SZT2: variants seen among roughly 807,000 people sequenced by gnomAD.
The protein encoded by SZT2 is KICSTOR complex protein SZT2.
A neutral mutation model predicts 404.2 loss-of-function variants in SZT2; 216 were observed. The ratio of observed to expected loss-of-function variants is 0.53; its 90% CI spans 0.48 to 0.60. SZT2 has a LOEUF of 0.60. SZT2 is among the 20% of genes least tolerant of loss of function. SZT2 has a pLI of 0.00. For missense variants in SZT2, 3,857 were observed against 4,459.2 expected, an observed-to-expected ratio of 0.86 and a Z score of 3.85; for synonymous variants, 1,693 against 1,749.9, an observed-to-expected ratio of 0.97 and a Z score of 0.81.
At position 43,430,989 on chromosome 1, in the gene SZT2, C is replaced by T. The variant is rs758882500; in HGVS notation, c.4815C>T (p.Gly1605=). The T allele has an allele frequency of 3.1e-6, 5 of 1,614,170 alleles. No individual in the cohort carries two copies. The East Asian group carries it at 6.7e-5, about 22-fold the overall frequency. ...LSSLEGPPVG[G]RVPLRDLSVT... is the part of the protein sequence containing the mutation. The stretch of plus-strand genomic sequence containing the variant: ...GTCTGGAGGGCCCCCCAGTTGGAGG[C>T]CGAGTTCCCTTGAGGGACCTCAGTG... Residue 1605 remains glycine (G), a synonymous_variant, in exon 33 of 72, where the codon GGC becomes GGT. Transcript: ENST00000634258.
chr1:43,422,082 G>C lies in SZT2; in HGVS notation c.1627-1G>C, dbSNP rs972104912. 6.3e-7 allele frequency: 1 copy of C among 1,593,948 alleles called. No individual in the cohort carries two copies. Among genetic ancestry groups the C allele is most frequent in the Admixed American group, 1.7e-5 (1 of 59,868 alleles). ...TATAGTGCTGTCCTTCCTGTCCTCA[G>C]GTGCTCTCCCTCCAGCCCAGTGGTT... On this transcript the variant is annotated splice_acceptor_variant, in intron 11 of 71. Coordinates refer to ENST00000634258, the MANE Select transcript of SZT2 (RefSeq NM_001365999.1). LOFTEE classifies it high-confidence loss of function.
In SZT2 at chr1:43,453,460, G is replaced by A. The variant is rs777772412; in HGVS notation, c.*2980G>A. On this transcript the variant is annotated 3_prime_UTR_variant, in exon 72 of 72. Transcript: ENST00000634258. ...CTCGGAAGGCCGCCTGTCTCCCGGG[G>A]ACGGCCCCCAGCCCCATTTCCCCCT... 3 of 1,563,220 alleles carry A rather than the reference G, an allele frequency of 1.9e-6. No individual in the cohort carries two copies. The highest frequency in any genetic ancestry group is 2.4e-5 in the South Asian group (2 of 84,850).
intron 4 of SZT2, among the ~76,000 whole-genome samples, chr1:43,413,104 C>T (rs958849713): frequency 6.6e-6 from 1 of 152,096 alleles, no homozygotes; most frequent in East Asian, 1.9e-4. Context: ...TTGGAGGTTC[C>T]TCAAAAAACA....
rs1390545558 is a variant in SZT2, at chr1:43,419,805, A to G, written c.951A>G (p.Ala317=). 1 of 1,598,452 alleles carries G rather than the reference A, an allele frequency of 6.3e-7. No homozygotes were observed. The highest frequency in any genetic ancestry group is 8.5e-7 in the Non-Finnish European group (1 of 1,179,808). The change falls in exon 8 of 72, where the codon GCA becomes GCG. Residue 317 remains alanine, a synonymous_variant. Transcript: ENST00000634258. ...VPNVELMKFI[A]MATFGSYLST... is the part of the protein sequence containing the mutation. ...ATGTGGAATTAATGAAGTTCATCGC[A>G]ATGGCAACATTTGGGTCCTACCTGT...
chr1:43,442,423 C>T lies in SZT2; in HGVS notation c.7975-19C>T. The stretch of plus-strand genomic sequence containing the variant: ...AGAGGGGTTCCGTGATCTCACTGAC[C>T]CTGACCCCCGACCTCCAGCTACAGC... On this transcript the variant is annotated intron_variant, in intron 57 of 71. Coordinates refer to ENST00000634258, the MANE Select transcript of SZT2 (RefSeq NM_001365999.1). This position sits in a 1 kb window ranked among gnomAD's most constrained non-coding sequence, Gnocchi z 4.5. The T allele has an allele frequency of 6.2e-7, 1 of 1,612,176 alleles. No individual in the cohort carries two copies. The highest frequency in any genetic ancestry group is 8.5e-7 in the Non-Finnish European group (1 of 1,178,778).
Position 43,448,610 on chromosome 1 carries a change from A to G in SZT2, c.9970-2A>G. 6.2e-7 allele frequency: 1 copy of G among 1,614,186 alleles called. No individual in the cohort carries two copies. The highest frequency in any genetic ancestry group is 8.5e-7 in the Non-Finnish European group (1 of 1,180,018). The stretch of plus-strand genomic sequence containing the variant: ...GACTCAGGCCTGTGGCTCCTCCCTC[A>G]GGACTGCTTCCTATCCATGACGGTC... On this transcript the variant is annotated splice_acceptor_variant, in intron 69 of 71. Transcript: ENST00000634258. LOFTEE classifies it high-confidence loss of function. This position sits in a 1 kb window ranked among gnomAD's most constrained non-coding sequence, Gnocchi z 4.2.
rs760844823 is a variant in SZT2, at chr1:43,435,174, C to T, written c.5905-26C>T. 21 of 1,612,416 alleles carry T rather than the reference C, an allele frequency of 1.3e-5. No individual in the cohort carries two copies. In the Admixed American group the frequency reaches 3.3e-4, roughly 26 times the overall value. Reference sequence around the variant, plus strand: ...CCACTTAGGAGGAGGTATTTCAGTTCCCTGACCTCATGCTCCTTCTCCCAG... The same window carrying T: ...CCACTTAGGAGGAGGTATTTCAGTTTCCTGACCTCATGCTCCTTCTCCCAG... On this transcript the variant is annotated intron_variant, in intron 41 of 71. Transcript: ENST00000634258.
chr1:43,398,569 A>T (rs1014484511), intron 1 of SZT2, among the ~76,000 whole-genome samples: 13 of 152,206 alleles, frequency 8.5e-5, no homozygotes, highest in African/African-American at 2.9e-4. Flanking sequence ...AGCTAAGTCA[A>T]ACCTGAAGGA....
chr1:43,422,396 C>G (rs1652475988), intron 12 of SZT2, 84 bp from the exon 13 acceptor site: 3 of 1,505,904 alleles, frequency 2.0e-6, no homozygotes, highest in Non-Finnish European at 2.7e-6. Context: ...CAGGCAAGGC[C>G]TAGAAGAGAG....
In SZT2 at chr1:43,453,562, C is replaced by G. The variant is rs1034392506; in HGVS notation, c.*3082C>G. The G allele has an allele frequency of 2.6e-6, 4 of 1,514,056 alleles. No homozygotes were observed. Among genetic ancestry groups the G allele is most frequent in the Middle Eastern group, 1.8e-4 (1 of 5,508 alleles). The allele number at this position is 1,514,056 out of a possible 1,614,324, so 93.8% of individuals were successfully genotyped here. On this transcript the variant is annotated 3_prime_UTR_variant, in exon 72 of 72. Transcript: ENST00000634258. The stretch of plus-strand genomic sequence containing the variant: ...CCCCTGCCCGCGCCCCGGCACCCCC[C>G]AGCCCTCCCAGCCCTCCCGGCCCGC...
intron 1 of SZT2, among the ~76,000 whole-genome samples, chr1:43,401,992 A>G (rs1649746084): frequency 6.6e-6 from 1 of 152,204 alleles, no homozygotes; most frequent in African/African-American, 2.4e-5. Flanking sequence ...CTCTGACATC[A>G]GAAACTCTTC....
chr1:43,421,225 G>A lies in SZT2; in HGVS notation c.1548G>A (p.Val516=), dbSNP rs779860823. 1 of 1,598,530 alleles carries A rather than the reference G, an allele frequency of 6.3e-7. No individual in the cohort carries two copies. Among genetic ancestry groups the A allele is most frequent in the South Asian group, 1.1e-5 (1 of 91,084 alleles). Residue 516 remains valine (V), a synonymous_variant, in exon 11 of 72, where the codon GTG becomes GTA. Coordinates refer to ENST00000634258, the MANE Select transcript of SZT2 (RefSeq NM_001365999.1). ...CCCACCTTCAGTCCTTCTCCTCAGT[G>A]CCTGAGCATTTCACGCTTCCTGACA... ...MLAHLQSFSS[V]PEHFTLPDST...
Position 43,442,461 on chromosome 1 carries a change from A to G in SZT2, c.7994A>G (p.Asn2665Ser), listed in dbSNP as rs1248692397. The G allele has an allele frequency of 6.2e-7, 1 of 1,613,422 alleles. No homozygotes were observed. Among genetic ancestry groups the G allele is most frequent in the African/African-American group, 1.3e-5 (1 of 74,894 alleles). The change falls in exon 58 of 72, where the codon AAC becomes AGC. Residue 2665 changes from asparagine to serine, a missense_variant. Asn to Ser is a conservative substitution (Grantham distance 46). Coordinates refer to ENST00000634258, the MANE Select transcript of SZT2 (RefSeq NM_001365999.1). The surrounding 1 kb of genome is among the most constrained non-coding windows in gnomAD (Gnocchi z 4.5). The stretch of plus-strand genomic sequence containing the variant: ...CTCCAGCTACAGCTGCTGACCTACA[A>G]CTGGGCTCCAGACCTGGGGGCAGCA... ...VDKKLQLLTYNWAPDLGAALG... is the reference protein window; with the variant it reads ...VDKKLQLLTYSWAPDLGAALG...
chr1:43,425,747 G>C lies in SZT2; in HGVS notation c.2815-88G>C. On this transcript the variant is annotated intron_variant, in intron 19 of 71. Coordinates refer to ENST00000634258, the MANE Select transcript of SZT2 (RefSeq NM_001365999.1). This position sits in a 1 kb window ranked among gnomAD's most constrained non-coding sequence, Gnocchi z 4.3. ...GCTTCCTGGTCCCTCTGAATGGCTG[G>C]GACTGTTGAAGCTTCCTGAAGAGCT... The C allele has an allele frequency of 6.3e-7, 1 of 1,594,826 alleles. No individual in the cohort carries two copies. The highest frequency in any genetic ancestry group is 8.6e-7 in the Non-Finnish European group (1 of 1,166,800).
chr1:43,413,100 G>T (rs1375693586), intron 4 of SZT2, among the ~76,000 whole-genome samples: 5 of 152,142 alleles, frequency 3.3e-5, no homozygotes, highest in African/African-American at 1.2e-4. Flanking sequence ...CAGTTTGGAG[G>T]TTCCTCAAAA....
chr1:43,421,403 G>C (rs544740227), intron 11 of SZT2, 100 bp downstream of exon 11: 1 of 1,494,386 alleles, frequency 6.7e-7, no homozygotes, highest in Non-Finnish European at 9.0e-7. Context: ...TCTGTCTCAC[G>C]TCTAAGGCAC....
At chr1:43,400,172 T>G (rs1649513829) in intron 1 of SZT2, among the ~76,000 whole-genome samples, 1 of 150,614 alleles carries the variant, frequency 6.6e-6, no homozygotes, top group Non-Finnish European at 1.5e-5. Context: ...ACTCCTAGGC[T>G]TAAGTTATTT....
intron 4 of SZT2, among the ~76,000 whole-genome samples, chr1:43,407,345 TACA>T (rs576530768): frequency 3.3e-5 from 5 of 151,832 alleles, no homozygotes; most frequent in East Asian, 3.9e-4. Flanking sequence ...CTACTAAAAA[TACA>T]ACAACAACAA....
In SZT2 at chr1:43,443,845, G is replaced by C. The variant is rs1655369070; in HGVS notation, c.8825+49G>C. 1.9e-6 allele frequency: 3 copies of C among 1,607,110 alleles called. No homozygotes were observed. The East Asian group carries it at 6.7e-5, about 36-fold the overall frequency. ...TCTGTCTTCTCCTCCTGCACTGCAA[G>C]TGAGGCCCCACAGGCCCTTCCTCTC... is the stretch of plus-strand genomic sequence containing the variant. On this transcript the variant is annotated intron_variant, in intron 62 of 71. Coordinates refer to ENST00000634258, the MANE Select transcript of SZT2 (RefSeq NM_001365999.1).
Sources: gnomAD v4.1 joint callset for allele counts (sites outside exome capture counted in the v4.1 genomes callset) on GRCh38, gnomAD v4.1.1 for gene constraint, Gnocchi (gnomAD v3.1) non-coding constraint, MANE v1.5 for transcripts, NCBI Gene and HGNC (gene_info 2026-07-23, HGNC 2026-07-21) for gene names.